The following TANC2 variants were observed in gnomAD, a reference collection of about 807,000 sequenced individuals.
The protein encoded by TANC2 is protein TANC2.
Under a neutral mutation model 210.5 loss-of-function variants are expected in TANC2, and 26 were observed. That is an observed-to-expected ratio of 0.12 (90% CI 0.09 to 0.17). TANC2 has a LOEUF of 0.17. TANC2 is among the 10% of genes least tolerant of loss of function. The pLI is 1.00. For missense variants in TANC2, 2,129 were observed against 2,608.9 expected, an observed-to-expected ratio of 0.82 and a Z score of 4.01; for synonymous variants, 931 against 967.1, an observed-to-expected ratio of 0.96 and a Z score of 0.69.
At chr17:63,233,242 A>T (rs1245025884) in intron 7 of TANC2, among the ~76,000 whole-genome samples, 1 of 145,926 alleles carries the variant, frequency 6.9e-6, no homozygotes, top group Non-Finnish European at 1.5e-5. Flanking sequence ...AGTCTTAGGC[A>T]GTTTCCAGCC....
At chr17:63,328,413 TTG>T (rs368134532) in intron 11 of TANC2, among the ~76,000 whole-genome samples, 11 of 150,462 alleles carry the variant, frequency 7.3e-5, no homozygotes, top group African/African-American at 2.7e-4. Context: ...TGTGTATTCA[TTG>T]TGTGTGTGTG....
intron 2 of TANC2, among the ~76,000 whole-genome samples, chr17:63,013,198 G>A (rs527966395): frequency 1.3e-5 from 2 of 151,992 alleles, no homozygotes; most frequent in African/African-American, 2.4e-5. Context: ...TTAGCCACCC[G>A]AGGAGCTGGG....
chr17:62,979,054 C>G (rs1235480453), intron 1 of TANC2, among the ~76,000 whole-genome samples: 1 of 152,100 alleles, frequency 6.6e-6, no homozygotes, highest in African/African-American at 2.4e-5. Flanking sequence ...ATTCATGGAT[C>G]ATAATCCTTT....
intron 5 of TANC2, among the ~76,000 whole-genome samples, chr17:63,158,801 G>A (rs2039925992): frequency 6.6e-6 from 1 of 152,154 alleles, no homozygotes; most frequent in African/African-American, 2.4e-5. Context: ...GCATAGCAGG[G>A]TTCTGTGGCT....
intron 14 of TANC2, among the ~76,000 whole-genome samples, chr17:63,376,783 A>G (rs1234500112): frequency 6.7e-6 from 1 of 150,272 alleles, no homozygotes; most frequent in African/African-American, 2.4e-5. Flanking sequence ...GTTCTTTCGA[A>G]CTCATAAAAT....
chr17:62,991,653 A>C (rs1402103713), intron 1 of TANC2, among the ~76,000 whole-genome samples: 4 of 151,762 alleles, frequency 2.6e-5, no homozygotes, highest in Non-Finnish European at 5.9e-5. Context: ...AAAAAAAAAA[A>C]CAAAAAAACA....
At chr17:63,362,783 G>A (rs1172712729) in intron 14 of TANC2, among the ~76,000 whole-genome samples, 4 of 152,328 alleles carry the variant, frequency 2.6e-5, no homozygotes, top group Non-Finnish European at 5.9e-5. Flanking sequence ...CTGAGCCTGT[G>A]GGGGTATGGG....
intron 3 of TANC2, among the ~76,000 whole-genome samples, chr17:63,085,458 T>C (rs919832528): frequency 6.8e-6 from 1 of 146,572 alleles, no homozygotes; most frequent in Non-Finnish European, 1.5e-5. Flanking sequence ...CCATTTTCTT[T>C]CCTTTCTTAT....
At position 63,418,369 on chromosome 17, in the gene TANC2, A is replaced by C. The variant is rs763384774; in HGVS notation, c.4230A>C (p.Glu1410Asp). ...TGGAGCTGAAACCGAAATCTTATGAAGCTTACTATGCGAGAGCAAGGGCAA... is the reference window on the plus strand; with the variant it reads ...TGGAGCTGAAACCGAAATCTTATGACGCTTACTATGCGAGAGCAAGGGCAA... Residue 1410 changes from glutamate to aspartate, a missense_variant, in exon 27 of 28, where the codon GAA (glutamate) becomes GAC (aspartate). Around this residue, in one of 5 missense-constraint regions of TANC2, gnomAD observed 644 missense variants for 937.5 expected, o/e 0.69. Coordinates refer to ENST00000689528, the Ensembl canonical transcript of TANC2. This position sits in a 1 kb window ranked among gnomAD's most constrained non-coding sequence, Gnocchi z 4.6. 1.2e-6 allele frequency: 2 copies of C among 1,613,228 alleles called. No individual in the cohort carries two copies. Among genetic ancestry groups the C allele is most frequent in the Non-Finnish European group, 1.7e-6 (2 of 1,179,630 alleles).
intron 2 of TANC2, among the ~76,000 whole-genome samples, chr17:63,059,078 G>T (rs556745058): frequency 5.0e-4 from 76 of 152,092 alleles, no homozygotes; most frequent in African/African-American, 1.8e-3. Context: ...TGAGCCCGGG[G>T]TGTTTTTCCT....
intron 2 of TANC2, among the ~76,000 whole-genome samples, chr17:63,056,289 G>C (rs1431819661): frequency 6.6e-6 from 1 of 151,142 alleles, no homozygotes; most frequent in Non-Finnish European, 1.5e-5. Context: ...TTTATGATTA[G>C]TTTCCACTGG....
In TANC2 at chr17:63,420,490, C is replaced by T. The variant is rs1414936781; in HGVS notation, c.4760C>T (p.Pro1587Leu). The T allele has an allele frequency of 6.2e-7, 1 of 1,613,860 alleles. No individual in the cohort carries two copies. The highest frequency in any genetic ancestry group is 8.5e-7 in the Non-Finnish European group (1 of 1,179,882). Residue 1587 changes from proline (P) to leucine (L), a missense_variant, in exon 28 of 28, where the codon CCA becomes CTA. Pro to Leu is a moderately conservative substitution (Grantham distance 98). Coordinates refer to ENST00000689528, the Ensembl canonical transcript of TANC2. The surrounding 1 kb of genome is among the most constrained non-coding windows in gnomAD (Gnocchi z 4.2). The stretch of plus-strand genomic sequence containing the variant: ...AACTCACATTACAGGCCTAGCCCAC[C>T]ACACACTTCCCCGGCTCATCAGGGA...
At chr17:63,152,802 G>A (rs2039700542) in intron 5 of TANC2, 1 of 151,944 alleles carries the variant, frequency 6.6e-6, no homozygotes, top group Non-Finnish European at 1.5e-5. Context: ...CTGTCATGGG[G>A]GCCTAATCTT....
chr17:63,097,567 T>TA lies in TANC2; in HGVS notation c.140-1602dup, dbSNP rs908043988. 1.2e-3 allele frequency among the ~76,000 whole-genome samples: 171 copies of TA among 141,784 alleles called. 1 individual carries two copies. Among genetic ancestry groups the TA allele is most frequent in the African/African-American group, 4.2e-3 (157 of 37,424 alleles). The allele number at this position is 141,784 out of a possible 152,430, so 93.0% of individuals were successfully genotyped here. A position where few individuals can be genotyped will look rare whatever the true frequency, so the allele number is the denominator to read the frequency against. On this transcript the variant is annotated intron_variant, in intron 3 of 27. Coordinates refer to ENST00000689528, the Ensembl canonical transcript of TANC2. Reference sequence around the variant, plus strand: ...AACAGTAACGATAGCTGATAAGCTTTAAAAAATTGCAAAAAAAAAAAAAAA... The same window carrying TA: ...AACAGTAACGATAGCTGATAAGCTTTAAAAAAATTGCAAAAAAAAAAAAAAA...
intron 14 of TANC2, among the ~76,000 whole-genome samples, chr17:63,375,943 G>T (rs953942811): frequency 1.3e-5 from 2 of 151,720 alleles, no homozygotes; most frequent in African/African-American, 4.8e-5. Flanking sequence ...CAAAAAATTA[G>T]CTGGGCATGG....
At chr17:63,330,998 C>G (rs1288658131) in intron 11 of TANC2, among the ~76,000 whole-genome samples, 1 of 152,114 alleles carries the variant, frequency 6.6e-6, no homozygotes, top group Non-Finnish European at 1.5e-5. Context: ...ATTGCTTGAA[C>G]CCGGGAGGCA....
chr17:63,407,493 T>A lies in TANC2; in HGVS notation c.3589+1216T>A, dbSNP rs115596924. On this transcript the variant is annotated intron_variant, in intron 21 of 27. Transcript: ENST00000689528. ...GTACCTGTCATGTGCCAGTAGAGGC[T>A]CCGTAGCCATAGATTCCAGGTATTT... Among the ~76,000 whole-genome samples, 617 of 152,354 alleles carry A rather than the reference T, an allele frequency of 4.0e-3. 5 individuals are homozygous for A. The highest frequency in any genetic ancestry group is 0.014 in the African/African-American group (598 of 41,584).
chr17:63,038,991 A>G (rs2035080547), intron 2 of TANC2, among the ~76,000 whole-genome samples: 1 of 152,110 alleles, frequency 6.6e-6, no homozygotes, highest in Admixed American at 6.6e-5. Flanking sequence ...TCTGTCGTTT[A>G]TTGAGTGAGC....
At chr17:63,305,691 A>T (rs2146523125) in intron 9 of TANC2, 1 of 152,352 alleles carries the variant, frequency 6.6e-6, no homozygotes, top group South Asian at 2.1e-4. Flanking sequence ...TATATGGAGT[A>T]AACTTAGTTT....
Sources: allele counts gnomAD v4.1 joint callset (sites outside exome capture counted in the v4.1 genomes callset), GRCh38; gene constraint gnomAD v4.1.1; regional missense constraint gnomAD v4.1.1; non-coding constraint Gnocchi (gnomAD v3.1); transcripts MANE v1.5; gene names NCBI Gene and HGNC (gene_info 2026-07-23, HGNC 2026-07-21).